The following DHRSX variants were observed in gnomAD, a reference collection of about 807,000 sequenced individuals.
The protein encoded by DHRSX is polyprenol dehydrogenase.
Under a neutral mutation model 34.0 loss-of-function variants are expected in DHRSX, and 31 were observed. The ratio of observed to expected loss-of-function variants is 0.91; its 90% CI spans 0.69 to 1.23. DHRSX has a LOEUF of 1.23. DHRSX is among the 50% of genes most tolerant of loss of function. DHRSX has a pLI of 0.00. For synonymous variants in DHRSX, 201 were observed against 183.8 expected, an observed-to-expected ratio of 1.09 and a Z score of -0.76; for missense variants, 414 against 428.1, an observed-to-expected ratio of 0.97 and a Z score of 0.29.
chrX:2,250,360 G>A (rs1354630708), intron 5 of DHRSX, among the ~76,000 whole-genome samples: 1 of 151,962 alleles, frequency 6.6e-6, no homozygotes, highest in Admixed American at 6.6e-5. Context: ...GTGAAAGCAA[G>A]TTTATTATGA....
At chrX:2,425,855 G>T (rs2043839394) in intron 1 of DHRSX, among the ~76,000 whole-genome samples, 1 of 152,142 alleles carries the variant, frequency 6.6e-6, no homozygotes, top group Non-Finnish European at 1.5e-5. Flanking sequence ...GGAAGACAAA[G>T]GAGACCAGAG....
chrX:2,396,906 T>C (rs1419292272), intron 3 of DHRSX, among the ~76,000 whole-genome samples: 2 of 151,056 alleles, frequency 1.3e-5, no homozygotes, highest in Non-Finnish European at 2.9e-5. Flanking sequence ...CTAAAATTGC[T>C]CTTAATATTT....
intron 3 of DHRSX, among the ~76,000 whole-genome samples, chrX:2,333,192 C>CT (rs1288734993): frequency 6.6e-6 from 1 of 152,078 alleles, no homozygotes; most frequent in African/African-American, 2.4e-5. Flanking sequence ...GCATTTTATT[C>CT]TTTTTTATAA....
intron 5 of DHRSX, among the ~76,000 whole-genome samples, chrX:2,253,783 G>C (rs1364727253): frequency 3.3e-5 from 5 of 152,116 alleles, no homozygotes; most frequent in African/African-American, 9.7e-5. Flanking sequence ...TTATAAGACC[G>C]GGCGCGGTGG....
intron 5 of DHRSX, among the ~76,000 whole-genome samples, chrX:2,259,395 GATATATAT>G (rs34990707): frequency 8.9e-5 from 11 of 124,104 alleles, no homozygotes; most frequent in African/African-American, 2.4e-4. Flanking sequence ...TAGATATATA[GATATATAT>G]ATAGATATAG....
At chrX:2,400,372 A>C (rs2043471240) in intron 3 of DHRSX, among the ~76,000 whole-genome samples, 1 of 152,184 alleles carries the variant, frequency 6.6e-6, no homozygotes, top group South Asian at 2.1e-4. Flanking sequence ...TTGAAGAAAA[A>C]TTCTAGGTGT....
intron 3 of DHRSX, among the ~76,000 whole-genome samples, chrX:2,296,209 T>G (rs1039530247): frequency 6.6e-6 from 1 of 152,140 alleles, no homozygotes; most frequent in Non-Finnish European, 1.5e-5. Flanking sequence ...TGATGCATCT[T>G]TGAGTGTCCA....
At chrX:2,296,175 G>A (rs1455823756) in intron 3 of DHRSX, among the ~76,000 whole-genome samples, 1 of 152,126 alleles carries the variant, frequency 6.6e-6, no homozygotes, top group Non-Finnish European at 1.5e-5. Context: ...TGGATGCTAC[G>A]TAACTTTGGA....
At chrX:2,403,213 G>T (rs148762398) in intron 3 of DHRSX, among the ~76,000 whole-genome samples, 1 of 152,004 alleles carries the variant, frequency 6.6e-6, no homozygotes, top group East Asian at 1.9e-4. Context: ...GACCATGAAG[G>T]ATTGTTGACT....
chrX:2,261,102 C>A (rs189116627), intron 5 of DHRSX, among the ~76,000 whole-genome samples: 1 of 151,834 alleles, frequency 6.6e-6, no homozygotes, highest in Non-Finnish European at 1.5e-5. Context: ...CCCAGCTACT[C>A]GGGAGGCTGA....
intron 1 of DHRSX, chrX:2,488,951 C>A: frequency 6.3e-7 from 1 of 1,597,242 alleles, no homozygotes; most frequent in Admixed American, 1.7e-5. Context: ...GTCTGACCAC[C>A]ACTTGAGGGG....
intron 1 of DHRSX, among the ~76,000 whole-genome samples, chrX:2,467,842 T>TG (rs1395018393): frequency 6.6e-6 from 1 of 151,550 alleles, no homozygotes. Context: ...GGCATGGTGG[T>TG]GCATGCCCGT....
intron 5 of DHRSX, among the ~76,000 whole-genome samples, chrX:2,257,264 A>AT (rs2041292526): frequency 6.6e-6 from 1 of 152,124 alleles, no homozygotes; most frequent in Admixed American, 6.6e-5. Flanking sequence ...CACTCACCAT[A>AT]TATTTACTGA....
intron 1 of DHRSX, among the ~76,000 whole-genome samples, chrX:2,496,009 T>C (rs1278701658): frequency 6.6e-6 from 1 of 152,170 alleles, no homozygotes; most frequent in Admixed American, 6.5e-5. Context: ...CCTAGGTTTT[T>C]GTTATTTTGG....
chrX:2,301,488 G>T (rs941996239), intron 3 of DHRSX, among the ~76,000 whole-genome samples: 1 of 152,210 alleles, frequency 6.6e-6, no homozygotes, highest in African/African-American at 2.4e-5. Flanking sequence ...TTTCCACGAG[G>T]TGTCTCTGGA....
At chrX:2,237,327 A>C (rs1483818761) in intron 6 of DHRSX, among the ~76,000 whole-genome samples, 4 of 152,148 alleles carry the variant, frequency 2.6e-5, no homozygotes, top group African/African-American at 7.2e-5. Flanking sequence ...ATACAAATAC[A>C]TGCTTAAGAC....
At chrX:2,311,567 C>G (rs1447130797) in intron 3 of DHRSX, among the ~76,000 whole-genome samples, 1 of 152,066 alleles carries the variant, frequency 6.6e-6, no homozygotes, top group African/African-American at 2.4e-5. Context: ...GACCCACCCG[C>G]GAGGCAAAGA....
chrX:2,350,137 G>T (rs758044162), intron 3 of DHRSX, among the ~76,000 whole-genome samples: 2 of 152,170 alleles, frequency 1.3e-5, no homozygotes, highest in African/African-American at 4.8e-5. Context: ...CTTGCAGTTA[G>T]TTAGGAGTTT....
chrX:2,245,985 A>AAC (rs1439643362), intron 5 of DHRSX, among the ~76,000 whole-genome samples: 1 of 148,220 alleles, frequency 6.7e-6, no homozygotes, highest in Non-Finnish European at 1.5e-5. Context: ...AAACAAAAAA[A>AAC]CACACAAACA....
Sources: allele counts gnomAD v4.1 joint callset (sites outside exome capture counted in the v4.1 genomes callset), GRCh38; gene constraint gnomAD v4.1.1; transcripts MANE v1.5; gene names NCBI Gene and HGNC (gene_info 2026-07-23, HGNC 2026-07-21).